Variants in SORBS2 observed in about 807,000 individuals in gnomAD.
The protein encoded by SORBS2 is sorbin and SH3 domain containing 2, also known as sorbin and SH3 domain-containing protein 2.
A neutral mutation model predicts 97.7 loss-of-function variants in SORBS2; 46 were observed. The observed-to-expected ratio is 0.47, with a 90% confidence interval of 0.37 to 0.60. The LOEUF is 0.60. Among genes scored for constraint, SORBS2 ranks in the 20% least tolerant of loss-of-function variants. The pLI is 0.00. For missense variants in SORBS2, 1,316 were observed against 1,282.3 expected (o/e 1.03, Z -0.40); for synonymous variants, 476 against 473.4 (o/e 1.01, Z -0.07).
chr4:185,590,244 A>C lies in SORBS2; in HGVS notation c.2847-459T>G, dbSNP rs2095892504. Among the ~76,000 whole-genome samples the C allele has an allele frequency of 1.3e-5, 2 of 152,348 alleles. 1 individual carries two copies. The highest frequency in any genetic ancestry group is 2.9e-5 in the Non-Finnish European group (2 of 68,030). ...TAGCTAGCCATAATCAGAAGCAAATAATGGGGGCTTGAGAATTGAATTTTC... is the reference window on the plus strand; with the variant it reads ...TAGCTAGCCATAATCAGAAGCAAATCATGGGGGCTTGAGAATTGAATTTTC... On this transcript the variant is annotated intron_variant, in intron 13 of 14. Coordinates refer to ENST00000418609, the Ensembl canonical transcript of SORBS2.
chr4:185,665,580 A>G (rs550971973), intron 4 of SORBS2, among the ~76,000 whole-genome samples: 1 of 152,376 alleles, frequency 6.6e-6, no homozygotes, highest in South Asian at 2.1e-4. Context: ...AAGCAAGCTT[A>G]TAGGATGACT....
intron 1 of SORBS2, among the ~76,000 whole-genome samples, chr4:185,906,954 C>T (rs935640164): frequency 1.4e-4 from 22 of 151,984 alleles, no homozygotes; most frequent in Non-Finnish European, 2.6e-4. Flanking sequence ...GGCGAAACCC[C>T]GTGTCTACTA....
intron 1 of SORBS2, among the ~76,000 whole-genome samples, chr4:185,949,172 G>A (rs2099275983): frequency 6.6e-6 from 1 of 152,208 alleles, no homozygotes; most frequent in African/African-American, 2.4e-5. Context: ...TAAACCACAT[G>A]TGATGTTTGA....
At chr4:185,798,741 C>T (rs1288862466) in intron 1 of SORBS2, among the ~76,000 whole-genome samples, 1 of 152,088 alleles carries the variant, frequency 6.6e-6, no homozygotes, top group Non-Finnish European at 1.5e-5. Flanking sequence ...CATGTGAGGC[C>T]CTGATTTGCC....
chr4:185,880,639 G>A (rs13150309), intron 1 of SORBS2, among the ~76,000 whole-genome samples: 41,493 of 152,116 alleles, frequency 0.27, 5,937 homozygotes, highest in East Asian at 0.55. Flanking sequence ...TCAATAACTA[G>A]GATACTTTTA....
At position 185,893,580 on chromosome 4, in the gene SORBS2, C is replaced by T. The variant is rs181137773; in HGVS notation, c.-338+62616G>A. Among the ~76,000 whole-genome samples, 86 of 152,296 alleles carry T rather than the reference C, an allele frequency of 5.6e-4. 1 individual carries two copies. Among genetic ancestry groups the T allele is most frequent in the Non-Finnish European group, 1.0e-3 (69 of 68,020 alleles). ...AATTTGAGTCCATAAAACAAACTGA[C>T]AATAGACAGGTTAACAGCCAGAAGG... On this transcript the variant is annotated intron_variant, in intron 1 of 20. Transcript: ENST00000284776.
At chr4:185,750,964 T>C (rs1433722279) in intron 2 of SORBS2, among the ~76,000 whole-genome samples, 2 of 151,766 alleles carry the variant, frequency 1.3e-5, no homozygotes, top group Non-Finnish European at 2.9e-5. Context: ...ATGTACATGA[T>C]ATATAAGGCA....
Position 185,630,540 on chromosome 4 carries a change from G to C in SORBS2, c.446+9C>G. 6.4e-7 allele frequency: 1 copy of C among 1,555,856 alleles called. No homozygotes were observed. The highest frequency in any genetic ancestry group is 8.8e-7 in the Non-Finnish European group (1 of 1,137,466). ...AGAATATTCTGCTACAACATAATAA[G>C]ATTCTTACCTCATGGGTCTTTCCAG... On this transcript the variant is annotated intron_variant, in intron 5 of 14. Coordinates refer to ENST00000418609, the Ensembl canonical transcript of SORBS2.
intron 1 of SORBS2, among the ~76,000 whole-genome samples, chr4:185,803,905 A>G (rs1000084970): frequency 4.6e-5 from 7 of 152,220 alleles, no homozygotes; most frequent in Non-Finnish European, 1.0e-4. Flanking sequence ...CTGACAAAGA[A>G]GATAAGTGTG....
intron 1 of SORBS2, among the ~76,000 whole-genome samples, chr4:185,817,960 G>A (rs754412452): frequency 5.3e-5 from 8 of 152,288 alleles, no homozygotes; most frequent in Non-Finnish European, 8.8e-5. Context: ...TCAGGTACAC[G>A]TTTTAGGATC....
intron 1 of SORBS2, among the ~76,000 whole-genome samples, chr4:185,915,149 C>CT (rs1274863387): frequency 6.6e-6 from 1 of 152,190 alleles, no homozygotes; most frequent in Non-Finnish European, 1.5e-5. Context: ...TATTTTAAAA[C>CT]TTTTTTCGGC....
chr4:185,736,763 C>T (rs1433987100), intron 2 of SORBS2, among the ~76,000 whole-genome samples: 1 of 152,140 alleles, frequency 6.6e-6, no homozygotes, highest in East Asian at 1.9e-4. Context: ...CTGTGTGTGC[C>T]ACAACCACTG....
At chr4:185,748,501 C>A (rs527319435) in intron 2 of SORBS2, among the ~76,000 whole-genome samples, 5 of 152,182 alleles carry the variant, frequency 3.3e-5, no homozygotes, top group African/African-American at 1.2e-4. Context: ...CTGCCTAAGC[C>A]CCCCCACCAC....
At chr4:185,668,663 A>G (rs1253042745) in intron 4 of SORBS2, among the ~76,000 whole-genome samples, 1 of 152,364 alleles carries the variant, frequency 6.6e-6, no homozygotes, top group Admixed American at 6.5e-5. Flanking sequence ...TGAAAGGGGA[A>G]GAAGGCAGTA....
At chr4:185,703,644 C>T (rs977337048) in intron 2 of SORBS2, among the ~76,000 whole-genome samples, 1 of 152,158 alleles carries the variant, frequency 6.6e-6, no homozygotes, top group Non-Finnish European at 1.5e-5. Flanking sequence ...GGTTGTTGTT[C>T]TGTGCTTTGA....
chr4:185,619,814 C>T (rs1254516913), intron 8 of SORBS2, among the ~76,000 whole-genome samples: 1 of 152,156 alleles, frequency 6.6e-6, no homozygotes, highest in African/African-American at 2.4e-5. Context: ...GGCATCAGGT[C>T]AAGACTCGGA....
chr4:185,715,054 G>A (rs896786011), intron 2 of SORBS2, among the ~76,000 whole-genome samples: 5 of 151,762 alleles, frequency 3.3e-5, no homozygotes, highest in East Asian at 3.8e-4. Flanking sequence ...CATTTTTCAC[G>A]ACAGATTTTT....
At chr4:185,815,666 G>A (rs1160389714) in intron 1 of SORBS2, among the ~76,000 whole-genome samples, 1 of 148,532 alleles carries the variant, frequency 6.7e-6, no homozygotes, top group Non-Finnish European at 1.5e-5. Context: ...TATATATGGA[G>A]AGAGAGAGAG....
At chr4:185,611,696 C>A in intron 12 of SORBS2, 84 bp downstream of exon 24, 1 of 1,049,608 alleles carries the variant, frequency 9.5e-7, no homozygotes, top group Non-Finnish European at 1.4e-6. Context: ...ATATGATATT[C>A]TAATCTAATA....
Sources: gnomAD v4.1 joint callset for allele counts (sites outside exome capture counted in the v4.1 genomes callset) on GRCh38, gnomAD v4.1.1 for gene constraint, MANE v1.5 for transcripts, NCBI Gene and HGNC (gene_info 2026-07-23, HGNC 2026-07-21) for gene names.